The following BFSP2 variants were observed in gnomAD, a reference collection of about 807,000 sequenced individuals.
BFSP2 encodes the protein phakinin.
Under a neutral mutation model 44.9 loss-of-function variants are expected in BFSP2, and 38 were observed. The observed-to-expected ratio is 0.85, with a 90% CI of 0.65 to 1.11. BFSP2 has a LOEUF of 1.11. Ranked by LOEUF, BFSP2 falls within the 50% of genes least tolerant of loss-of-function variation. BFSP2 has a pLI of 0.00. For missense variants in BFSP2, 525 were observed against 533.0 expected (o/e 0.99, Z 0.15); for synonymous variants, 197 against 209.9 (o/e 0.94, Z 0.53).
At chr3:133,441,404 C>T (rs1252577409) in intron 1 of BFSP2, among the ~76,000 whole-genome samples, 2 of 152,082 alleles carry the variant, frequency 1.3e-5, no homozygotes, top group African/African-American at 2.4e-5. Context: ...TAGTTTTTGT[C>T]CCCAGGTAAC....
At chr3:133,462,700 A>G (rs1388926323) in intron 4 of BFSP2, among the ~76,000 whole-genome samples, 1 of 152,246 alleles carries the variant, frequency 6.6e-6, no homozygotes, top group Non-Finnish European at 1.5e-5. Flanking sequence ...ACAAATTTTA[A>G]GACAAAATAC....
chr3:133,417,296 A>G (rs1442403721), intron 1 of BFSP2, among the ~76,000 whole-genome samples: 2 of 70,684 alleles, frequency 2.8e-5, no homozygotes, highest in Admixed American at 3.5e-4. Context: ...CCTTCTGCTC[A>G]CCCCTGTCCT....
intron 1 of BFSP2, among the ~76,000 whole-genome samples, chr3:133,415,997 CCTT>C (rs1460201742): frequency 6.8e-6 from 1 of 147,446 alleles, no homozygotes; most frequent in Non-Finnish European, 1.5e-5. Context: ...CTGCCCTCTC[CCTT>C]CTATTCACCC....
intron 4 of BFSP2, among the ~76,000 whole-genome samples, chr3:133,460,771 G>A (rs755055900): frequency 3.3e-5 from 5 of 152,226 alleles, no homozygotes; most frequent in Non-Finnish European, 4.4e-5. Context: ...TGAACAGCAC[G>A]ATGAGATTAG....
chr3:133,447,713 G>A (rs1244733551), intron 2 of BFSP2, among the ~76,000 whole-genome samples: 4 of 152,142 alleles, frequency 2.6e-5, no homozygotes, highest in African/African-American at 7.2e-5. Flanking sequence ...GACTCAATGG[G>A]TCTGGAGAAG....
intron 3 of BFSP2, 135 bp from the exon 4 acceptor site, chr3:133,450,168 G>A: frequency 9.9e-7 from 1 of 1,006,492 alleles, no homozygotes; most frequent in Non-Finnish European, 1.5e-6. Context: ...GACTTTCCCA[G>A]TCTCTGTGAA....
At chr3:133,414,729 T>C (rs1486868769) in intron 1 of BFSP2, among the ~76,000 whole-genome samples, 5 of 102,862 alleles carry the variant, frequency 4.9e-5, no homozygotes, top group Non-Finnish European at 8.2e-5. Flanking sequence ...CCCCTCTACT[T>C]ACCCCTGCCA....
intron 1 of BFSP2, among the ~76,000 whole-genome samples, chr3:133,419,974 C>T (rs1339045736): frequency 6.6e-6 from 1 of 152,208 alleles, no homozygotes; most frequent in Non-Finnish European, 1.5e-5. Flanking sequence ...TGAGGGATTT[C>T]CACAGACTGC....
intron 1 of BFSP2, among the ~76,000 whole-genome samples, chr3:133,423,053 G>A (rs1253272992): frequency 6.6e-6 from 1 of 152,138 alleles, no homozygotes; most frequent in Non-Finnish European, 1.5e-5. Flanking sequence ...AAAATCCTAA[G>A]AGCAGAGGTA....
At chr3:133,410,526 C>A (rs1281030956) in intron 1 of BFSP2, 1 of 273,616 alleles carries the variant, frequency 3.7e-6, no homozygotes, top group South Asian at 4.9e-5. Flanking sequence ...GGAATATCAG[C>A]GCTCCAAATC....
At chr3:133,467,669 C>T (rs1197518942) in intron 5 of BFSP2, among the ~76,000 whole-genome samples, 1 of 151,938 alleles carries the variant, frequency 6.6e-6, no homozygotes, top group African/African-American at 2.4e-5. Context: ...TGAAGCAATC[C>T]ACCCTCTGAT....
chr3:133,411,884 G>C (rs1449553373), intron 1 of BFSP2, among the ~76,000 whole-genome samples: 2 of 152,236 alleles, frequency 1.3e-5, no homozygotes, highest in African/African-American at 4.8e-5. Flanking sequence ...CAGTAAAAGA[G>C]ACTAAATTAA....
intron 6 of BFSP2, 65 bp from the exon 7 acceptor site, chr3:133,474,904 C>T (rs1389757998): frequency 6.3e-7 from 1 of 1,595,386 alleles, no homozygotes; most frequent in Non-Finnish European, 8.6e-7. Context: ...TCTCGTAATC[C>T]TATTGTGATA....
intron 4 of BFSP2, among the ~76,000 whole-genome samples, chr3:133,450,839 T>C (rs933329443): frequency 1.3e-5 from 2 of 152,052 alleles, no homozygotes; most frequent in African/African-American, 2.4e-5. Flanking sequence ...AGGCCGGGCG[T>C]GGTAGCTCAC....
At chr3:133,413,460 C>A (rs1047588855) in intron 1 of BFSP2, among the ~76,000 whole-genome samples, 33 of 152,198 alleles carry the variant, frequency 2.2e-4, no homozygotes, top group Non-Finnish European at 4.4e-4. Context: ...GGCACAAGTG[C>A]TGAGGACAAA....
intron 1 of BFSP2, among the ~76,000 whole-genome samples, chr3:133,433,901 C>T (rs535488480): frequency 6.6e-5 from 10 of 152,230 alleles, no homozygotes; most frequent in Admixed American, 1.3e-4. Flanking sequence ...CGTATAGACG[C>T]TCCTTTTTAT....
At chr3:133,435,540 C>T (rs1452552587) in intron 1 of BFSP2, among the ~76,000 whole-genome samples, 1 of 152,216 alleles carries the variant, frequency 6.6e-6, no homozygotes, top group Non-Finnish European at 1.5e-5. Context: ...TTTAAAATTT[C>T]CATTGAAAAC....
At chr3:133,446,820 G>A (rs559543808) in intron 1 of BFSP2, among the ~76,000 whole-genome samples, 2 of 150,922 alleles carry the variant, frequency 1.3e-5, no homozygotes, top group East Asian at 2.0e-4. Flanking sequence ...CTAGAGCCAC[G>A]CTGCCCAATA....
intron 1 of BFSP2, among the ~76,000 whole-genome samples, chr3:133,425,790 G>GAAAGGGAAAGGGAAAGGGA (rs1553779092): frequency 8.6e-5 from 12 of 139,806 alleles, no homozygotes; most frequent in African/African-American, 3.5e-4. Context: ...AAAGGGAAGG[G>GAAAGGGAAAGGGAAAGGGA]AAGGGAAGGG....
Sources: allele counts gnomAD v4.1 joint callset (sites outside exome capture counted in the v4.1 genomes callset), GRCh38; gene constraint gnomAD v4.1.1; transcripts MANE v1.5; gene names NCBI Gene and HGNC (gene_info 2026-07-23, HGNC 2026-07-21).